Variants in ZNF804B observed in about 807,000 individuals in gnomAD.
The protein encoded by ZNF804B is zinc finger protein 804B.
A neutral mutation model predicts 101.4 loss-of-function variants in ZNF804B; 80 were observed. The observed-to-expected ratio is 0.79, with a 90% CI of 0.66 to 0.95. The LOEUF is 0.95. ZNF804B is among the 40% of genes least tolerant of loss of function. The pLI, the probability that ZNF804B is intolerant of heterozygous loss-of-function variation, is 0.00. For missense variants in ZNF804B, 1,673 were observed against 1,561.9 expected (o/e 1.07, Z -1.20); for synonymous variants, 622 against 558.8 (o/e 1.11, Z -1.59).
chr7:88,850,755 T>G (rs1310632299), intron 1 of ZNF804B, among the ~76,000 whole-genome samples: 1 of 151,988 alleles, frequency 6.6e-6, no homozygotes, highest in Non-Finnish European at 1.5e-5. Context: ...TGAATGGCAT[T>G]CAAACAAGAA....
chr7:88,854,443 C>CT (rs1359034978), intron 1 of ZNF804B, among the ~76,000 whole-genome samples: 1 of 126,294 alleles, frequency 7.9e-6, no homozygotes, highest in Admixed American at 8.4e-5. Context: ...TTCTTTCTTT[C>CT]TTTCTTTCTT....
chr7:89,022,847 A>G (rs941285360), intron 1 of ZNF804B, among the ~76,000 whole-genome samples: 23 of 152,206 alleles, frequency 1.5e-4, no homozygotes, highest in African/African-American at 5.5e-4. Context: ...AGAAGGGAAA[A>G]TAAATGGGAA....
At chr7:88,917,071 C>T (rs1792643154) in intron 1 of ZNF804B, among the ~76,000 whole-genome samples, 4 of 152,020 alleles carry the variant, frequency 2.6e-5, no homozygotes, top group Admixed American at 1.3e-4. Flanking sequence ...TTGAGACCAG[C>T]CTGACCAACA....
intron 1 of ZNF804B, among the ~76,000 whole-genome samples, chr7:88,890,824 C>A (rs969153532): frequency 5.3e-5 from 8 of 151,816 alleles, no homozygotes; most frequent in Admixed American, 4.6e-4. Context: ...GAGTTGATTC[C>A]AATTTTTCAC....
intron 1 of ZNF804B, among the ~76,000 whole-genome samples, chr7:88,978,778 C>A (rs1793653786): frequency 6.7e-6 from 1 of 149,286 alleles, no homozygotes; most frequent in South Asian, 2.1e-4. Context: ...TTCATTCTCT[C>A]CCTTCCTCCC....
chr7:89,038,229 G>T (rs1788958724), intron 1 of ZNF804B, among the ~76,000 whole-genome samples: 1 of 151,994 alleles, frequency 6.6e-6, no homozygotes, highest in Non-Finnish European at 1.5e-5. Flanking sequence ...TTTAATTTGT[G>T]AGAAACCTCC....
chr7:88,985,738 T>C (rs1793750406), intron 1 of ZNF804B, among the ~76,000 whole-genome samples: 1 of 152,088 alleles, frequency 6.6e-6, no homozygotes, highest in Non-Finnish European at 1.5e-5. Context: ...TCAGAGATAC[T>C]GGAAGATTTT....
In ZNF804B at chr7:88,932,002, T is replaced by TA. The variant is rs68095612; in HGVS notation, c.108+171929dup. Among the ~76,000 whole-genome samples the TA allele has an allele frequency of 1.5e-3, 214 of 144,412 alleles. 1 individual carries two copies. Among genetic ancestry groups the TA allele is most frequent in the East Asian group, 5.6e-3 (28 of 4,964 alleles). 94.7% of individuals were successfully genotyped at this position (144,412 alleles called of 152,430 possible). A position where few individuals can be genotyped will look rare whatever the true frequency, so the allele number is the denominator to read the frequency against. ...TCTAAGTTCTTGGCAGAGGCCTCTG[T>TA]AAAAAAAAAAAGACATATTAACAAG... On this transcript the variant is annotated intron_variant, in intron 1 of 3. Coordinates refer to ENST00000333190, the MANE Select transcript of ZNF804B (RefSeq NM_181646.5).
Position 89,300,715 on chromosome 7 carries a change from C to A in ZNF804B, c.250-26629C>A, listed in dbSNP as rs535061327. ...AGAGGTATATACTGAGTGCCTAAAT[C>A]ATGTGTGATATCACAGACCATTCCA... On this transcript the variant is annotated intron_variant, in intron 2 of 3. Coordinates refer to ENST00000333190, the MANE Select transcript of ZNF804B (RefSeq NM_181646.5). Among the ~76,000 whole-genome samples, 18 of 152,002 alleles carry A rather than the reference C, an allele frequency of 1.2e-4. No homozygotes were observed. The South Asian group carries it at 3.7e-3, about 32-fold the overall frequency.
intron 1 of ZNF804B, among the ~76,000 whole-genome samples, chr7:88,816,115 C>G (rs1307439174): frequency 6.6e-6 from 1 of 151,970 alleles, no homozygotes; most frequent in Non-Finnish European, 1.5e-5. Flanking sequence ...TTTCCTCTTG[C>G]ATGAATGTCC....
intron 1 of ZNF804B, among the ~76,000 whole-genome samples, chr7:88,991,008 C>T (rs1453049755): frequency 2.0e-5 from 3 of 152,052 alleles, no homozygotes; most frequent in Non-Finnish European, 4.4e-5. Context: ...AGTTATTTTG[C>T]ATCAGTATCA....
intron 1 of ZNF804B, among the ~76,000 whole-genome samples, chr7:89,017,345 C>T (rs934064751): frequency 2.6e-5 from 4 of 152,114 alleles, no homozygotes; most frequent in Admixed American, 6.6e-5. Context: ...TCCTGCCTTA[C>T]TGCCCTGGCC....
chr7:88,837,371 G>A (rs116782329), intron 1 of ZNF804B, among the ~76,000 whole-genome samples: 3,924 of 151,990 alleles, frequency 0.026, 126 homozygotes, highest in African/African-American at 0.072. Context: ...TGTGAGTTGA[G>A]AGCTTCCCAA....
At chr7:89,224,139 A>C (rs1219838863) in intron 2 of ZNF804B, among the ~76,000 whole-genome samples, 1 of 152,018 alleles carries the variant, frequency 6.6e-6, no homozygotes, top group East Asian at 1.9e-4. Context: ...TCAATTTTGA[A>C]AAAACAAATG....
chr7:89,028,631 G>T (rs1018547052), intron 1 of ZNF804B, among the ~76,000 whole-genome samples: 1 of 152,116 alleles, frequency 6.6e-6, no homozygotes, highest in African/African-American at 2.4e-5. Context: ...ATCGAGCAGG[G>T]CATGCCATAC....
intron 1 of ZNF804B, among the ~76,000 whole-genome samples, chr7:89,068,873 T>C (rs1357365535): frequency 1.3e-5 from 2 of 152,108 alleles, no homozygotes; most frequent in East Asian, 1.9e-4. Context: ...TACAGATGGG[T>C]CTCCCTAAGC....
At chr7:89,194,793 C>T (rs1425098830) in intron 1 of ZNF804B, among the ~76,000 whole-genome samples, 15 of 151,014 alleles carry the variant, frequency 9.9e-5, no homozygotes, top group African/African-American at 1.5e-4. Context: ...CTTGGCGATG[C>T]GGGCTCTTTT....
intron 2 of ZNF804B, among the ~76,000 whole-genome samples, chr7:89,274,046 A>C (rs1789938219): frequency 6.6e-6 from 1 of 151,136 alleles, no homozygotes; most frequent in Non-Finnish European, 1.5e-5. Flanking sequence ...TTCTTAATGC[A>C]CTCTTCCCCT....
intron 1 of ZNF804B, among the ~76,000 whole-genome samples, chr7:89,054,217 AT>A (rs1789256308): frequency 6.6e-6 from 1 of 150,944 alleles, no homozygotes; most frequent in African/African-American, 2.4e-5. Context: ...ATTTTAGGAA[AT>A]TAATTGCTGT....
Sources: allele counts gnomAD v4.1 joint callset (sites outside exome capture counted in the v4.1 genomes callset), GRCh38; gene constraint gnomAD v4.1.1; transcripts MANE v1.5; gene names NCBI Gene and HGNC (gene_info 2026-07-23, HGNC 2026-07-21).